SLC9B1: variants seen among roughly 807,000 people sequenced by gnomAD.
SLC9B1 encodes sodium/hydrogen exchanger 9B1.
A neutral mutation model predicts 51.7 loss-of-function variants in SLC9B1; 32 were observed. The observed-to-expected ratio is 0.62, with a 90% CI of 0.47 to 0.83. The LOEUF (loss-of-function observed/expected upper bound fraction) is 0.83, where lower values mean the gene tolerates loss of function less well. Among genes scored for constraint, SLC9B1 ranks in the 40% least tolerant of loss-of-function variants. The probability of loss-of-function intolerance (pLI) is 0.00; values close to 1 mark genes in which losing one functional copy is unlikely to be tolerated. For missense variants in SLC9B1, 406 were observed against 613.2 expected (o/e 0.66, Z 3.57); for synonymous variants, 145 against 212.7 (o/e 0.68, Z 2.77).
intron 3 of SLC9B1, among the ~76,000 whole-genome samples, chr4:102,980,989 C>T (rs1739324526): frequency 6.6e-6 from 1 of 152,110 alleles, no homozygotes; most frequent in South Asian, 2.1e-4. Context: ...ATCCTCTGGG[C>T]TCTGCCTGCT....
intron 1 of SLC9B1, among the ~76,000 whole-genome samples, chr4:103,015,945 T>C (rs970307472): frequency 6.6e-6 from 1 of 151,716 alleles, no homozygotes; most frequent in Admixed American, 6.6e-5. Flanking sequence ...AGCCTGGCCA[T>C]GGTAAAACCC....
intron 3 of SLC9B1, 78 bp downstream of exon 3, chr4:102,989,722 T>A (rs565563514): frequency 5.3e-5 from 53 of 991,586 alleles, no homozygotes; most frequent in Middle Eastern, 6.7e-4. Context: ...TTAAGTAGTG[T>A]CTTTGTTGTC....
chr4:102,898,673 A>C (rs113340196), downstream of SLC9B1, among the ~76,000 whole-genome samples: 4,239 of 152,320 alleles, frequency 0.028, 188 homozygotes, highest in African/African-American at 0.093. Context: ...TTAAACAGTG[A>C]AAAAAATAGG....
exon 12 of SLC9B1, chr4:102,885,205 T>C: frequency 6.2e-7 from 1 of 1,608,178 alleles, no homozygotes; most frequent in Non-Finnish European, 8.5e-7. Flanking sequence ...CTGACACATC[T>C]ACATGTTTAG....
chr4:102,961,200 G>A (rs1037636637), intron 3 of SLC9B1, among the ~76,000 whole-genome samples: 2 of 152,086 alleles, frequency 1.3e-5, no homozygotes, highest in African/African-American at 4.8e-5. Flanking sequence ...ATTAAGAAAT[G>A]CAATTCAAAG....
chr4:102,945,087 C>T (rs182294211), intron 6 of SLC9B1, 106 bp downstream of exon 6: 37 of 1,231,392 alleles, frequency 3.0e-5, no homozygotes, highest in Admixed American at 5.8e-5. Flanking sequence ...AACACTGAAA[C>T]GAATTTTAAT....
intron 11 of SLC9B1, among the ~76,000 whole-genome samples, chr4:102,901,599 A>G (rs1734797330): frequency 6.6e-6 from 1 of 152,140 alleles, no homozygotes; most frequent in Non-Finnish European, 1.5e-5. Context: ...CTATTCGAAT[A>G]TCTCTTTTGA....
intron 3 of SLC9B1, among the ~76,000 whole-genome samples, chr4:102,970,493 A>T (rs1738699170): frequency 6.6e-6 from 1 of 152,226 alleles, no homozygotes; most frequent in Non-Finnish European, 1.5e-5. Flanking sequence ...AGGAAGCACT[A>T]AACATGGAAA....
intron 3 of SLC9B1, chr4:102,962,958 T>G: frequency 2.2e-6 from 1 of 463,030 alleles, no homozygotes; most frequent in South Asian, 1.5e-5. Flanking sequence ...CCAGACTTTA[T>G]GGAATCCATC....
At chr4:102,929,677 C>T (rs1371311121) in intron 7 of SLC9B1, among the ~76,000 whole-genome samples, 12 of 152,300 alleles carry the variant, frequency 7.9e-5, no homozygotes, top group African/African-American at 2.6e-4. Context: ...TGTGCCACCA[C>T]ACCCAGCTAA....
chr4:102,924,132 C>G (rs1736032395), intron 7 of SLC9B1, among the ~76,000 whole-genome samples: 1 of 152,196 alleles, frequency 6.6e-6, no homozygotes, highest in South Asian at 2.1e-4. Context: ...AAGCTGGAGG[C>G]ATCACACTAC....
At chr4:102,950,601 T>A (rs1737498484) in intron 3 of SLC9B1, among the ~76,000 whole-genome samples, 1 of 152,208 alleles carries the variant, frequency 6.6e-6, no homozygotes. Flanking sequence ...TTTGACTCAC[T>A]CCAGGCAGAA....
At chr4:103,005,930 T>C (rs992506554) in intron 1 of SLC9B1, among the ~76,000 whole-genome samples, 1 of 152,164 alleles carries the variant, frequency 6.6e-6, no homozygotes, top group Non-Finnish European at 1.5e-5. Context: ...ACAGAATCTC[T>C]GAGACAGGGC....
intron 11 of SLC9B1, among the ~76,000 whole-genome samples, chr4:102,904,230 T>C (rs1734919987): frequency 6.6e-6 from 1 of 151,932 alleles, no homozygotes; most frequent in African/African-American, 2.4e-5. Context: ...ACTAATTTTT[T>C]TGTATTTTTT....
chr4:102,938,004 A>T (rs569908022), intron 6 of SLC9B1, among the ~76,000 whole-genome samples: 1 of 152,306 alleles, frequency 6.6e-6, no homozygotes, highest in South Asian at 2.1e-4. Flanking sequence ...ACATAATGAC[A>T]GGACCAAAGC....
chr4:103,001,011 T>A lies in SLC9B1; in HGVS notation c.-1-9299A>T, dbSNP rs1740497233. Reference sequence around the variant, plus strand: ...CTGCCTGGGCATCCAGTCATTTCCATACATCTTCTGAAATCTAGGTGGAGG... The same window carrying A: ...CTGCCTGGGCATCCAGTCATTTCCAAACATCTTCTGAAATCTAGGTGGAGG... On this transcript the variant is annotated intron_variant, in intron 1 of 11. Coordinates refer to ENST00000296422, the MANE Select transcript of SLC9B1 (RefSeq NM_139173.4). Among the ~76,000 whole-genome samples the A allele has an allele frequency of 2.0e-5, 3 of 152,340 alleles. No homozygotes were observed. In the South Asian group the frequency reaches 6.2e-4, roughly 32 times the overall value.
chr4:102,993,300 T>G (rs1740044560), intron 1 of SLC9B1, among the ~76,000 whole-genome samples: 2 of 152,252 alleles, frequency 1.3e-5, no homozygotes, highest in South Asian at 4.2e-4. Context: ...TGGGAGAAAT[T>G]GGCCAAAACA....
At chr4:102,899,448 C>T (rs1314798414), downstream of SLC9B1, among the ~76,000 whole-genome samples, 7 of 151,296 alleles carry the variant, frequency 4.6e-5, no homozygotes, top group African/African-American at 1.2e-4. Context: ...GAGTCTTGCT[C>T]TGTCTCCCAG....
chr4:102,974,418 G>A (rs1237885336), intron 3 of SLC9B1, among the ~76,000 whole-genome samples: 2 of 151,672 alleles, frequency 1.3e-5, no homozygotes, highest in Non-Finnish European at 2.9e-5. Flanking sequence ...CACACTTCTG[G>A]TAAGATTGAT....
Sources: allele counts gnomAD v4.1 joint callset (sites outside exome capture counted in the v4.1 genomes callset), GRCh38; gene constraint gnomAD v4.1.1; transcripts MANE v1.5; gene names NCBI Gene and HGNC (gene_info 2026-07-23, HGNC 2026-07-21).